PRMT8: variants seen among roughly 807,000 people sequenced by gnomAD.
The protein encoded by PRMT8 is protein arginine methyltransferase 8, also known as protein arginine N-methyltransferase 8.
Under a neutral mutation model 47.1 loss-of-function variants are expected in PRMT8, and 7 were observed. The ratio of observed to expected loss-of-function variants is 0.15; its 90% CI spans 0.08 to 0.28. The LOEUF is 0.28. Ranked by LOEUF, PRMT8 falls within the 10% of genes least tolerant of loss-of-function variation. PRMT8 has a pLI of 1.00. For synonymous variants in PRMT8, 188 were observed against 186.5 expected (o/e 1.01, Z -0.07); for missense variants, 237 against 505.4 (o/e 0.47, Z 5.09).
chr12:3,516,855 T>G (rs1440198904), intron 1 of PRMT8, among the ~76,000 whole-genome samples: 1 of 150,842 alleles, frequency 6.6e-6, no homozygotes, highest in Non-Finnish European at 1.5e-5. Context: ...TCATCTAAAA[T>G]AAGAATTTAC....
intron 1 of PRMT8, among the ~76,000 whole-genome samples, chr12:3,385,871 A>G (rs1171158014): frequency 6.6e-6 from 1 of 152,162 alleles, no homozygotes; most frequent in Non-Finnish European, 1.5e-5. Flanking sequence ...CTTCATTTGT[A>G]GCTATTCATG....
intron 6 of PRMT8, among the ~76,000 whole-genome samples, chr12:3,571,883 G>T (rs1866853518): frequency 6.6e-6 from 1 of 152,210 alleles, no homozygotes; most frequent in Non-Finnish European, 1.5e-5. Context: ...CACAAAGGTT[G>T]CTGGTTGCTA....
intron 1 of PRMT8, among the ~76,000 whole-genome samples, chr12:3,410,946 G>T (rs1212793736): frequency 6.6e-6 from 1 of 152,162 alleles, no homozygotes; most frequent in Non-Finnish European, 1.5e-5. Context: ...GTAGTAATTT[G>T]AGGTTCTAGG....
chr12:3,496,873 T>G (rs369383770), intron 1 of PRMT8, among the ~76,000 whole-genome samples: 1 of 152,050 alleles, frequency 6.6e-6, no homozygotes, highest in East Asian at 1.9e-4. Context: ...AACACTGATT[T>G]CAGTCCTTAA....
chr12:3,448,710 T>C (rs907363560), intron 1 of PRMT8, among the ~76,000 whole-genome samples: 3 of 152,200 alleles, frequency 2.0e-5, no homozygotes, highest in Non-Finnish European at 4.4e-5. Context: ...CGTTTTTTTA[T>C]TTTGCAAATC....
At chr12:3,516,211 T>G (rs548038649) in intron 1 of PRMT8, among the ~76,000 whole-genome samples, 2 of 152,344 alleles carry the variant, frequency 1.3e-5, no homozygotes, top group East Asian at 3.9e-4. Context: ...TGGAGCTACC[T>G]GGCATGTGGC....
chr12:3,512,142 C>A (rs1049091030), intron 1 of PRMT8, among the ~76,000 whole-genome samples: 9 of 152,204 alleles, frequency 5.9e-5, no homozygotes, highest in Admixed American at 2.6e-4. Context: ...TCTCATCTCA[C>A]CTGGCCAATC....
chr12:3,593,266 G>T lies in PRMT8; in HGVS notation c.*84G>T. 1 of 1,180,888 alleles carries T rather than the reference G, an allele frequency of 8.5e-7. No homozygotes were observed. The allele number at this position is 1,180,888 out of a possible 1,614,324, so 73.2% of individuals were successfully genotyped here. ...GCCGTCCCAAAGAATACCGTTTGCAGGACTACACACTTGAAAACCAGAGTT... is the reference window on the plus strand; with the variant it reads ...GCCGTCCCAAAGAATACCGTTTGCATGACTACACACTTGAAAACCAGAGTT... On this transcript the variant is annotated 3_prime_UTR_variant, in exon 10 of 10. Coordinates refer to ENST00000382622, the MANE Select transcript of PRMT8 (RefSeq NM_019854.5). This position sits in a 1 kb window ranked among gnomAD's most constrained non-coding sequence, Gnocchi z 4.8.
chr12:3,454,346 G>A (rs1306935965), intron 1 of PRMT8, among the ~76,000 whole-genome samples: 1 of 152,192 alleles, frequency 6.6e-6, no homozygotes, highest in Non-Finnish European at 1.5e-5. Context: ...GGTGCCACAG[G>A]GAGCAAGAGG....
intron 1 of PRMT8, among the ~76,000 whole-genome samples, chr12:3,400,328 A>T (rs1020619145): frequency 6.6e-6 from 1 of 152,242 alleles, no homozygotes; most frequent in African/African-American, 2.4e-5. Context: ...GATAAGGAGG[A>T]TATCACCATT....
chr12:3,381,712 A>C (rs1244465714), intron 1 of PRMT8, among the ~76,000 whole-genome samples: 3 of 152,182 alleles, frequency 2.0e-5, no homozygotes, highest in Middle Eastern at 3.2e-3. Context: ...AATAATTCAG[A>C]GAGATTCTGC....
At chr12:3,467,538 C>T (rs1052026011) in intron 1 of PRMT8, among the ~76,000 whole-genome samples, 1 of 152,014 alleles carries the variant, frequency 6.6e-6, no homozygotes, top group African/African-American at 2.4e-5. Flanking sequence ...CTGTGGAAAC[C>T]CTTTGGTGAA....
intron 1 of PRMT8, among the ~76,000 whole-genome samples, chr12:3,474,544 C>A (rs1217451841): frequency 6.6e-6 from 1 of 152,130 alleles, no homozygotes; most frequent in African/African-American, 2.4e-5. Flanking sequence ...CCCAGAGAAG[C>A]TGTGCCTCAT....
intron 1 of PRMT8, among the ~76,000 whole-genome samples, chr12:3,407,215 C>T (rs1864381420): frequency 6.6e-6 from 1 of 152,254 alleles, no homozygotes; most frequent in African/African-American, 2.4e-5. Context: ...GGTAACCACC[C>T]TCATGATTTG....
intron 2 of PRMT8, among the ~76,000 whole-genome samples, chr12:3,542,069 T>C (rs758852754): frequency 2.6e-5 from 4 of 152,228 alleles, no homozygotes; most frequent in Non-Finnish European, 5.9e-5. Context: ...ATCTGGAAAC[T>C]GTAAAAATTA....
At chr12:3,446,959 A>G (rs1864861832) in intron 1 of PRMT8, among the ~76,000 whole-genome samples, 1 of 152,310 alleles carries the variant, frequency 6.6e-6, no homozygotes, top group East Asian at 1.9e-4. Context: ...GTGTGGTATG[A>G]ACTAACCATA....
In PRMT8 at chr12:3,444,911, G is replaced by T. The variant is rs568121019; in HGVS notation, c.48+63469G>T. On this transcript the variant is annotated intron_variant, in intron 1 of 9. Coordinates refer to the PRMT8 transcript ENST00000452611. ...TGGCGTTGCAAGGAAAAGACAGTGG[G>T]TAGTGGAAGCCCATGGTCATCTGGA... 5.3e-4 allele frequency among the ~76,000 whole-genome samples: 80 copies of T among 152,360 alleles called. 1 individual carries two copies. Among genetic ancestry groups the T allele is most frequent in the African/African-American group, 1.8e-3 (73 of 41,594 alleles).
intron 1 of PRMT8, among the ~76,000 whole-genome samples, chr12:3,530,603 C>G (rs760331361): frequency 1.3e-5 from 2 of 152,124 alleles, no homozygotes; most frequent in Non-Finnish European, 2.9e-5. Flanking sequence ...AGATATCAAT[C>G]CCATAATGCC....
At position 3,477,268 on chromosome 12, in the gene PRMT8, C is replaced by A. The variant is rs571445907; in HGVS notation, c.49-63338C>A. ...CAGAACTGAGAGGTGTTCATTCATTCGTTTATTCACTTAACGAGTGTGTAG... is the reference window on the plus strand; with the variant it reads ...CAGAACTGAGAGGTGTTCATTCATTAGTTTATTCACTTAACGAGTGTGTAG... On this transcript the variant is annotated intron_variant, in intron 1 of 9. Coordinates refer to the PRMT8 transcript ENST00000452611. Among the ~76,000 whole-genome samples the A allele has an allele frequency of 2.0e-5, 3 of 152,240 alleles. No homozygotes were observed. In the South Asian group the frequency reaches 6.2e-4, roughly 31 times the overall value.
Sources: gnomAD v4.1 joint callset for allele counts (sites outside exome capture counted in the v4.1 genomes callset) on GRCh38, gnomAD v4.1.1 for gene constraint, Gnocchi (gnomAD v3.1) non-coding constraint, MANE v1.5 for transcripts, NCBI Gene and HGNC (gene_info 2026-07-23, HGNC 2026-07-21) for gene names.